SLC39A10: variants seen among roughly 807,000 people sequenced by gnomAD.
SLC39A10 encodes the protein zinc transporter ZIP10.
In SLC39A10, 13 loss-of-function variants were observed where a neutral mutation model predicts 65.1. The observed-to-expected ratio is 0.20, with a 90% confidence interval of 0.13 to 0.32. SLC39A10 has a LOEUF of 0.32. Ranked by LOEUF, SLC39A10 falls within the 10% of genes least tolerant of loss-of-function variation. SLC39A10 has a pLI of 1.00. For synonymous variants in SLC39A10, 321 were observed against 342.2 expected, an observed-to-expected ratio of 0.94 and a Z score of 0.68; for missense variants, 831 against 1,018.4, an observed-to-expected ratio of 0.82 and a Z score of 2.50.
At chr2:195,638,969 T>G (rs1451282180) in intron 2 of SLC39A10, among the ~76,000 whole-genome samples, 3 of 151,912 alleles carry the variant, frequency 2.0e-5, no homozygotes, top group African/African-American at 7.3e-5. Context: ...TTTTTGTTTT[T>G]GTTTTTGAGA....
In SLC39A10 at chr2:195,713,536, A is replaced by C; in HGVS notation, c.1679A>C (p.Gln560Pro). 1 of 1,563,064 alleles carries C rather than the reference A, an allele frequency of 6.4e-7. No individual in the cohort carries two copies. The highest frequency in any genetic ancestry group is 8.6e-7 in the Non-Finnish European group (1 of 1,165,842). Residue 560 changes from glutamine (Q) to proline (P), a missense_variant, in exon 6 of 10, where the codon CAA becomes CCA. Gln to Pro is a moderately conservative substitution (Grantham distance 76, BLOSUM62 -1). Transcript: ENST00000359634. Reference sequence around the variant, plus strand: ...AATACACCAGATTCTGACTGGCTTCAACTCAAGCCTCTTGCCGGTAGACAG... The same window carrying C: ...AATACACCAGATTCTGACTGGCTTCCACTCAAGCCTCTTGCCGGTAGACAG... ...LNNTPDSDWL[Q>P]LKPLAGTDDS...
At chr2:195,633,387 G>A (rs941256190) in intron 2 of SLC39A10, among the ~76,000 whole-genome samples, 10 of 152,244 alleles carry the variant, frequency 6.6e-5, no homozygotes, top group South Asian at 4.1e-4. Flanking sequence ...CCGAGGCAGC[G>A]TCTAAGAGGG....
chr2:195,665,020 C>CA (rs1266783197), intron 1 of SLC39A10, among the ~76,000 whole-genome samples: 3 of 152,124 alleles, frequency 2.0e-5, no homozygotes, highest in African/African-American at 7.2e-5. Flanking sequence ...ACCATCTCGA[C>CA]AAAAAATTTA....
chr2:195,678,056 G>A (rs1690163005), intron 1 of SLC39A10, among the ~76,000 whole-genome samples: 2 of 152,064 alleles, frequency 1.3e-5, no homozygotes, highest in Admixed American at 1.3e-4. Context: ...CCTTTTTTCA[G>A]TTTTGACTGT....
chr2:195,647,259 G>A (rs556889328), intron 2 of SLC39A10, among the ~76,000 whole-genome samples: 1 of 151,894 alleles, frequency 6.6e-6, no homozygotes, highest in African/African-American at 2.4e-5. Flanking sequence ...CACCCTAGTC[G>A]TATGATAATA....
intron 2 of SLC39A10, among the ~76,000 whole-genome samples, chr2:195,644,025 T>C (rs543664552): frequency 1.3e-5 from 2 of 152,338 alleles, no homozygotes; most frequent in East Asian, 3.9e-4. Flanking sequence ...TGTTTTGCTT[T>C]CAACATGAAT....
upstream of SLC39A10, among the ~76,000 whole-genome samples, chr2:195,654,002 G>C (rs1689095026): frequency 6.6e-6 from 1 of 152,090 alleles, no homozygotes; most frequent in African/African-American, 2.4e-5. Flanking sequence ...GCAATGGCAT[G>C]ATCTCGGCTC....
chr2:195,615,776 T>G (rs1437508818), intron 2 of SLC39A10, among the ~76,000 whole-genome samples: 1 of 152,232 alleles, frequency 6.6e-6, no homozygotes, highest in Non-Finnish European at 1.5e-5. Context: ...CAAATACCAC[T>G]GCATTCTTCA....
At position 195,670,143 on chromosome 2, in the gene SLC39A10, G is replaced by C. The variant is rs143505989; in HGVS notation, c.-11-9889G>C. 2.2e-3 allele frequency among the ~76,000 whole-genome samples: 340 copies of C among 152,142 alleles called. 2 individuals are homozygous for C. Among genetic ancestry groups the C allele is most frequent in the Non-Finnish European group, 1.5e-3 (103 of 68,008 alleles). ...CACTGCACTCCAGCCTGGTGACAGAGCAAGATTCTGTCTCCAAAAATAAAA... is the reference window on the plus strand; with the variant it reads ...CACTGCACTCCAGCCTGGTGACAGACCAAGATTCTGTCTCCAAAAATAAAA... On this transcript the variant is annotated intron_variant, in intron 1 of 9. Transcript: ENST00000359634.
Position 195,728,125 on chromosome 2 carries a change from G to C in SLC39A10, c.2147-34G>C. On this transcript the variant is annotated intron_variant, in intron 8 of 9. Coordinates refer to ENST00000359634, the MANE Select transcript of SLC39A10 (RefSeq NM_020342.3). The surrounding 1 kb of genome is among the most constrained non-coding windows in gnomAD (Gnocchi z 4.4). ...TCAGATTTGTGTTTTAAATCCTGTG[G>C]TTTTAAAACATTCCCATTGTTTCTT... 6.3e-6 allele frequency: 10 copies of C among 1,574,994 alleles called. No homozygotes were observed. The highest frequency in any genetic ancestry group is 7.8e-6 in the Non-Finnish European group (9 of 1,154,048).
At chr2:195,670,389 C>G (rs2105749654) in intron 1 of SLC39A10, 1 of 152,182 alleles carries the variant, frequency 6.6e-6, no homozygotes, top group Non-Finnish European at 1.5e-5. Context: ...TAGACCATTT[C>G]ACAAATTTGC....
At chr2:195,623,894 C>CA (rs1248822804) in intron 2 of SLC39A10, among the ~76,000 whole-genome samples, 5 of 120,284 alleles carry the variant, frequency 4.2e-5, no homozygotes, top group Admixed American at 2.8e-4. Context: ...ACCAACTAAA[C>CA]AAAAAACCAC....
chr2:195,632,975 A>G (rs1164361349), intron 2 of SLC39A10, among the ~76,000 whole-genome samples: 1 of 152,194 alleles, frequency 6.6e-6, no homozygotes, highest in Non-Finnish European at 1.5e-5. Flanking sequence ...CTCCTTGTAG[A>G]GATAGGAACT....
chr2:195,727,763 C>CAT (rs1692298029), intron 8 of SLC39A10, among the ~76,000 whole-genome samples: 1 of 152,010 alleles, frequency 6.6e-6, no homozygotes, highest in Admixed American at 6.6e-5. Flanking sequence ...TGAATTTTAA[C>CAT]ATATATATAG....
chr2:195,727,873 C>G (rs1475779737), intron 8 of SLC39A10, among the ~76,000 whole-genome samples: 1 of 152,164 alleles, frequency 6.6e-6, no homozygotes, highest in Admixed American at 6.6e-5. Context: ...TCTCCACCAT[C>G]TCTGTCCCCT....
At chr2:195,734,480 ATTGAGT>A (rs1276484861) in intron 9 of SLC39A10, among the ~76,000 whole-genome samples, 1 of 152,130 alleles carries the variant, frequency 6.6e-6, no homozygotes, top group Non-Finnish European at 1.5e-5. Flanking sequence ...TTGCTTTCTT[ATTGAGT>A]TTAAGATACA....
chr2:195,627,374 T>C (rs1340051303), intron 2 of SLC39A10, among the ~76,000 whole-genome samples: 1 of 152,324 alleles, frequency 6.6e-6, no homozygotes, highest in African/African-American at 2.4e-5. Flanking sequence ...GAATAAGCTA[T>C]GAAGATGCCC....
chr2:195,633,054 A>G (rs564141343), intron 2 of SLC39A10, among the ~76,000 whole-genome samples: 5 of 152,342 alleles, frequency 3.3e-5, no homozygotes, highest in African/African-American at 1.2e-4. Flanking sequence ...CACAGAGGGG[A>G]AATGGATAAG....
rs1689218780 is a variant in SLC39A10, at chr2:195,657,838, C to CCTCGGCA, written c.-12+559_-12+565dup. 2.6e-5 allele frequency among the ~76,000 whole-genome samples: 4 copies of CCTCGGCA among 152,320 alleles called. No individual in the cohort carries two copies. The South Asian group carries it at 8.3e-4, about 32-fold the overall frequency. ...GGGGCGAGGGGACCCCGGGATGGAGCCTCGGCACCGCTGTTCCGGACCGAG... is the reference window on the plus strand; with the variant it reads ...GGGGCGAGGGGACCCCGGGATGGAGCCTCGGCACTCGGCACCGCTGTTCCGGACCGAG... On this transcript the variant is annotated intron_variant, in intron 1 of 9. Transcript: ENST00000359634.
Sources: gnomAD v4.1 joint callset for allele counts (sites outside exome capture counted in the v4.1 genomes callset) on GRCh38, gnomAD v4.1.1 for gene constraint, Gnocchi (gnomAD v3.1) non-coding constraint, MANE v1.5 for transcripts, NCBI Gene and HGNC (gene_info 2026-07-23, HGNC 2026-07-21) for gene names.